RELN: variants seen among roughly 807,000 people sequenced by gnomAD.
RELN encodes reelin.
In RELN, 108 loss-of-function variants were observed where a neutral mutation model predicts 427.6. The ratio of observed to expected loss-of-function variants is 0.25; its 90% confidence interval spans 0.22 to 0.30. The LOEUF is 0.30. RELN is among the 10% of genes least tolerant of loss of function. The pLI, the probability that RELN is intolerant of heterozygous loss-of-function variation, is 1.00. For synonymous variants in RELN, 1,524 were observed against 1,513.4 expected (o/e 1.01, Z -0.16); for missense variants, 3,715 against 4,302.8 (o/e 0.86, Z 3.82).
intron 11 of RELN, among the ~76,000 whole-genome samples, chr7:103,680,402 G>T (rs1415840115): frequency 6.6e-6 from 1 of 152,082 alleles, no homozygotes; most frequent in Non-Finnish European, 1.5e-5. Context: ...GATGGAATTA[G>T]CGTGGAGAGA....
chr7:103,905,095 C>T (rs2116630683), intron 2 of RELN, among the ~76,000 whole-genome samples: 1 of 147,702 alleles, frequency 6.8e-6, no homozygotes, highest in East Asian at 2.1e-4. Context: ...ATTCTCCTGT[C>T]TCAGCCTCCT....
chr7:103,693,294 T>C (rs757760052), intron 10 of RELN, among the ~76,000 whole-genome samples: 4 of 131,022 alleles, frequency 3.1e-5, no homozygotes, highest in Non-Finnish European at 6.1e-5. Flanking sequence ...AATTGAACAA[T>C]GAGAACACAT....
chr7:103,483,807 C>T lies in RELN; in HGVS notation c.10027G>A (p.Asp3343Asn), dbSNP rs1371498467. The T allele has an allele frequency of 6.2e-7, 1 of 1,614,040 alleles. No individual in the cohort carries two copies. Among genetic ancestry groups the T allele is most frequent in the South Asian group, 1.1e-5 (1 of 91,080 alleles). The change falls in exon 62 of 65, where the codon GAC becomes AAC. Residue 3343 changes from aspartate to asparagine, a missense_variant. Asp to Asn is a conservative substitution (Grantham distance 23, BLOSUM62 1). Coordinates refer to ENST00000428762, the MANE Select transcript of RELN (RefSeq NM_005045.4). ...CCACTCAGGTCACTGTTGCAGCTGTCCGTCTGCGACATGCTCCCAATTTGC... is the reference window on the plus strand; with the variant it reads ...CCACTCAGGTCACTGTTGCAGCTGTTCGTCTGCGACATGCTCCCAATTTGC... ...VLQIGSMSQT[D>N]SCNSDLSGPH...
At chr7:103,959,131 C>T (rs982932410) in intron 1 of RELN, among the ~76,000 whole-genome samples, 12 of 151,954 alleles carry the variant, frequency 7.9e-5, no homozygotes, top group Admixed American at 2.6e-4. Context: ...TTAGTAGAGA[C>T]GGGGCTTTGC....
intron 46 of RELN, among the ~76,000 whole-genome samples, chr7:103,532,421 ACACATCCTG>A (rs1829961686): frequency 6.6e-6 from 1 of 152,102 alleles, no homozygotes; most frequent in Non-Finnish European, 1.5e-5. Context: ...TAACAAACCT[ACACATCCTG>A]CACATGGAAC....
At chr7:103,944,852 C>T (rs1796187650) in intron 1 of RELN, among the ~76,000 whole-genome samples, 1 of 152,080 alleles carries the variant, frequency 6.6e-6, no homozygotes, top group South Asian at 2.1e-4. Flanking sequence ...TGGCCCCAGG[C>T]TGTTTCGGTT....
At chr7:103,480,294 C>T (rs1439836551) in intron 63 of RELN, among the ~76,000 whole-genome samples, 1 of 152,168 alleles carries the variant, frequency 6.6e-6, no homozygotes, top group Non-Finnish European at 1.5e-5. Flanking sequence ...ATGACATGAA[C>T]CTTGGCTCTA....
rs1830686962 is a variant in RELN, at chr7:103,563,691, C to T, written c.5210+1587G>A. Among the ~76,000 whole-genome samples, 1 of 152,162 alleles carries T rather than the reference C, an allele frequency of 6.6e-6. No homozygotes were observed. The highest frequency in any genetic ancestry group is 2.1e-4 in the South Asian group (1 of 4,830). ...CATTCACTCACCACTCACTCACCCA[C>T]TCACCCAGAGCAACTTCCAGTCCTG... On this transcript the variant is annotated intron_variant, in intron 34 of 64. Transcript: ENST00000428762. The surrounding 1 kb of genome is among the most constrained non-coding windows in gnomAD (Gnocchi z 4.1).
chr7:103,913,203 T>C (rs924519055), intron 2 of RELN, among the ~76,000 whole-genome samples: 7 of 152,170 alleles, frequency 4.6e-5, no homozygotes, highest in Admixed American at 4.6e-4. Context: ...TAAGTATAAT[T>C]ATGGACATTT....
At chr7:103,511,995 TG>T (rs1165794124) in intron 50 of RELN, among the ~76,000 whole-genome samples, 1 of 152,234 alleles carries the variant, frequency 6.6e-6, no homozygotes, top group East Asian at 1.9e-4. Context: ...TTTTAGTTTT[TG>T]TTGGGGGGTT....
At chr7:103,588,158 T>C (rs1365864604) in intron 28 of RELN, among the ~76,000 whole-genome samples, 4 of 152,114 alleles carry the variant, frequency 2.6e-5, no homozygotes, top group African/African-American at 9.7e-5. Context: ...AACAGATACA[T>C]GGATATACAC....
At chr7:103,477,509 A>G (rs1828078614) in intron 64 of RELN, among the ~76,000 whole-genome samples, 1 of 152,256 alleles carries the variant, frequency 6.6e-6, no homozygotes, top group South Asian at 2.1e-4. Context: ...AGTGTAAGGC[A>G]GGAAGCTGCC....
chr7:103,499,380 TATTC>T (rs1562854286), intron 53 of RELN, among the ~76,000 whole-genome samples: 1 of 152,246 alleles, frequency 6.6e-6, no homozygotes, highest in Non-Finnish European at 1.5e-5. Flanking sequence ...TTAATTTCCC[TATTC>T]ATTCTGTCTA....
intron 4 of RELN, among the ~76,000 whole-genome samples, chr7:103,763,679 A>G (rs1791357259): frequency 1.3e-5 from 2 of 152,124 alleles, no homozygotes; most frequent in Admixed American, 1.3e-4. Context: ...GGCATCTCTG[A>G]TGAAGGACAT....
chr7:103,509,280 G>A (rs1316507836), intron 51 of RELN, among the ~76,000 whole-genome samples: 1 of 152,172 alleles, frequency 6.6e-6, no homozygotes, highest in Non-Finnish European at 1.5e-5. Flanking sequence ...AACAAAAACA[G>A]CATGGTACTG....
rs115458333 is a variant in RELN, at chr7:103,871,296, T to C, written c.338-37624A>G. Among the ~76,000 whole-genome samples, 238 of 152,262 alleles carry C rather than the reference T, an allele frequency of 1.6e-3. 1 individual carries two copies. The highest frequency in any genetic ancestry group is 5.4e-3 in the African/African-American group (225 of 41,568). ...AAACCACTTTTCATTCTTTAAGAACTATCTTTTGTAATTATTTTTATATTG... is the reference window on the plus strand; with the variant it reads ...AAACCACTTTTCATTCTTTAAGAACCATCTTTTGTAATTATTTTTATATTG... On this transcript the variant is annotated intron_variant, in intron 2 of 64. Transcript: ENST00000428762.
Position 103,651,875 on chromosome 7 carries a change from A to G in RELN, c.1764-86T>C, listed in dbSNP as rs1562940655. On this transcript the variant is annotated intron_variant, in intron 14 of 64. Transcript: ENST00000428762. ...GAAATTTTCAACTCTGGTTAAGTAC[A>G]TTAAACAACTGTAAAAACAGTGTAA... The G allele has an allele frequency of 1.2e-5, 17 of 1,361,558 alleles. No individual in the cohort carries two copies. In the South Asian group the frequency reaches 2.1e-4, roughly 17 times the overall value. 84.3% of individuals were successfully genotyped at this position (1,361,558 alleles called of 1,614,324 possible). A position where few individuals can be genotyped will look rare whatever the true frequency, so the allele number is the denominator to read the frequency against.
rs370333905 is a variant in RELN at position 103,677,405 on chromosome 7, TATAATAATAATAATAATAATA to T, written c.1289+4690_1289+4710del. On this transcript the variant is annotated intron_variant, in intron 11 of 64. Coordinates refer to ENST00000428762, the MANE Select transcript of RELN (RefSeq NM_005045.4). ...TGCACATGTAACCCAGAACTTAAAG[TATAATAATAATAATAATAATA>T]ATAATAATAATAATAATAATAATAA... Among the ~76,000 whole-genome samples the T allele has an allele frequency of 2.6e-3, 345 of 134,422 alleles. 2 individuals are homozygous for T. The highest frequency in any genetic ancestry group is 8.5e-3 in the African/African-American group (304 of 35,826). The allele number at this position is 134,422 out of a possible 152,430, so 88.2% of individuals were successfully genotyped here. A position where few individuals can be genotyped will look rare whatever the true frequency, so the allele number is the denominator to read the frequency against.
chr7:103,778,254 T>C (rs551568365), intron 3 of RELN, among the ~76,000 whole-genome samples: 308 of 152,310 alleles, frequency 2.0e-3, no homozygotes, highest in African/African-American at 6.8e-3. Flanking sequence ...TTAAATACAC[T>C]GTTCAAACCA....
Sources: allele counts gnomAD v4.1 joint callset (sites outside exome capture counted in the v4.1 genomes callset), GRCh38; gene constraint gnomAD v4.1.1; non-coding constraint Gnocchi (gnomAD v3.1); transcripts MANE v1.5; gene names NCBI Gene and HGNC (gene_info 2026-07-23, HGNC 2026-07-21).